The following DENND3 variants were observed in gnomAD, a reference collection of about 807,000 sequenced individuals.
The protein encoded by DENND3 is DENN domain containing 3.
Under a neutral mutation model 135.1 loss-of-function variants are expected in DENND3, and 88 were observed. The observed-to-expected ratio is 0.65, with a 90% CI of 0.55 to 0.78. The LOEUF (loss-of-function observed/expected upper bound fraction) is 0.78, where lower values mean the gene tolerates loss of function less well. DENND3 is among the 30% of genes least tolerant of loss of function. The probability of loss-of-function intolerance (pLI) is 0.00; values close to 1 mark genes in which losing one functional copy is unlikely to be tolerated. For missense variants in DENND3, 1,392 were observed against 1,688.4 expected (o/e 0.82, Z 3.08); for synonymous variants, 693 against 712.3 (o/e 0.97, Z 0.43).
At chr8:141,185,475 C>A in intron 18 of DENND3, 197 bp downstream of exon 18, 1 of 635,474 alleles carries the variant, frequency 1.6e-6, no homozygotes, top group Non-Finnish European at 2.6e-6. Context: ...CTTACACGTC[C>A]TTATTGAAGG....
Position 141,190,239 on chromosome 8 carries a change from C to T in DENND3, c.3246-45C>T, listed in dbSNP as rs1483771359. 5.3e-6 allele frequency: 8 copies of T among 1,509,778 alleles called. No individual in the cohort carries two copies. The South Asian group carries it at 6.8e-5, about 13-fold the overall frequency. The allele number at this position is 1,509,778 out of a possible 1,614,324, so 93.5% of individuals were successfully genotyped here. On this transcript the variant is annotated intron_variant, in intron 19 of 22. Coordinates refer to ENST00000519811, the MANE Select transcript of DENND3 (RefSeq NM_001352890.3). ...TGGGTTAAAATGTGCACAGTGTTTT[C>T]AGGGGCCCAAGTTAAAGGTGTGTGT...
chr8:141,194,390 G>A lies in DENND3; in HGVS notation c.*157G>A. ...CCGTGTGGCCAGCCGCGAGACCCAT[G>A]GCCACGCACCTTCTCTCAGGCCTTC... On this transcript the variant is annotated 3_prime_UTR_variant, in exon 23 of 23. Coordinates refer to ENST00000519811, the MANE Select transcript of DENND3 (RefSeq NM_001352890.3). 2.4e-6 allele frequency: 2 copies of A among 818,992 alleles called. No individual in the cohort carries two copies. Among genetic ancestry groups the A allele is most frequent in the Non-Finnish European group, 3.8e-6 (2 of 529,938 alleles). 50.7% of individuals were successfully genotyped at this position (818,992 alleles called of 1,614,324 possible). A position where few individuals can be genotyped will look rare whatever the true frequency, so the allele number is the denominator to read the frequency against.
At chr8:141,155,438 C>G (rs1015450647) in intron 7 of DENND3, among the ~76,000 whole-genome samples, 3 of 151,980 alleles carry the variant, frequency 2.0e-5, no homozygotes, top group Non-Finnish European at 4.4e-5. Context: ...GGGTCTTGCT[C>G]TGTTGCCCAG....
chr8:141,147,659 A>C (rs1291116793), intron 5 of DENND3, among the ~76,000 whole-genome samples: 2 of 152,188 alleles, frequency 1.3e-5, no homozygotes, highest in Non-Finnish European at 2.9e-5. Context: ...CTCATCCCGC[A>C]GGGCACGGCA....
At chr8:141,164,685 C>T (rs1399224398) in intron 10 of DENND3, among the ~76,000 whole-genome samples, 3 of 152,236 alleles carry the variant, frequency 2.0e-5, no homozygotes. Context: ...GACCCTGATG[C>T]AGGCTCCGGG....
chr8:141,177,069 G>A (rs1166688449), intron 15 of DENND3: 3 of 357,322 alleles, frequency 8.4e-6, no homozygotes, highest in Admixed American at 4.3e-5. Flanking sequence ...TCCCGGGGGC[G>A]GACGGTGCTG....
In DENND3 at chr8:141,168,554, T is replaced by G. The variant is rs774399770; in HGVS notation, c.2275+29T>G. The G allele has an allele frequency of 6.3e-7, 1 of 1,575,236 alleles. No homozygotes were observed. The highest frequency in any genetic ancestry group is 2.3e-5 in the East Asian group (1 of 44,320). On this transcript the variant is annotated intron_variant, in intron 13 of 22. Coordinates refer to ENST00000519811, the MANE Select transcript of DENND3 (RefSeq NM_001352890.3). This position sits in a 1 kb window ranked among gnomAD's most constrained non-coding sequence, Gnocchi z 6.2. ...AGAGGAGGCCTGGCACCATCACAGA[T>G]TTTATTATTTAGAGACAGGGTCTGG...
In DENND3 at chr8:141,166,135, A is replaced by T; in HGVS notation, c.1554-55A>T. 1 of 1,560,458 alleles carries T rather than the reference A, an allele frequency of 6.4e-7. No individual in the cohort carries two copies. The highest frequency in any genetic ancestry group is 1.1e-5 in the South Asian group (1 of 89,288). On this transcript the variant is annotated intron_variant, in intron 11 of 22. Coordinates refer to ENST00000519811, the MANE Select transcript of DENND3 (RefSeq NM_001352890.3). The surrounding 1 kb of genome is among the most constrained non-coding windows in gnomAD (Gnocchi z 4.3). ...TGGGAAAAATGCTTAGTTTAGGCTTATTCTTCAATCATTATTGTGTCTATA... is the reference window on the plus strand; with the variant it reads ...TGGGAAAAATGCTTAGTTTAGGCTTTTTCTTCAATCATTATTGTGTCTATA...
At chr8:141,190,626 A>G (rs1824594120) in intron 20 of DENND3, 2 of 663,140 alleles carry the variant, frequency 3.0e-6, no homozygotes, top group East Asian at 3.4e-5. Flanking sequence ...CTGCCTTTCT[A>G]CCCAGCGGCT....
At chr8:141,163,589 T>A (rs1324166499) in intron 10 of DENND3, among the ~76,000 whole-genome samples, 160 bp downstream of exon 10, 5 of 152,176 alleles carry the variant, frequency 3.3e-5, no homozygotes, top group African/African-American at 7.2e-5. Flanking sequence ...CCCTCTTTTT[T>A]AAAAAAATCA....
At chr8:141,162,159 G>GA (rs1462362912) in intron 9 of DENND3, among the ~76,000 whole-genome samples, 1 of 152,076 alleles carries the variant, frequency 6.6e-6, no homozygotes, top group African/African-American at 2.4e-5. Flanking sequence ...AATTTATTAG[G>GA]AAAAAATGGG....
chr8:141,143,972 C>G (rs772838863), intron 4 of DENND3, 176 bp from the exon 5 acceptor site: 12 of 552,676 alleles, frequency 2.2e-5, no homozygotes, highest in Non-Finnish European at 3.8e-5. Flanking sequence ...GGCACTACCG[C>G]AGACCTGGGG....
At chr8:141,158,649 G>A (rs1418237554) in intron 8 of DENND3, among the ~76,000 whole-genome samples, 1 of 152,208 alleles carries the variant, frequency 6.6e-6, no homozygotes, top group Non-Finnish European at 1.5e-5. Context: ...AAGGGGCTCT[G>A]GAGTACAATA....
At chr8:141,180,256 C>G (rs1023942439) in intron 16 of DENND3, among the ~76,000 whole-genome samples, 1 of 152,200 alleles carries the variant, frequency 6.6e-6, no homozygotes, top group South Asian at 2.1e-4. Flanking sequence ...GCTGGGCATT[C>G]GCCCACAGCC....
chr8:141,166,364 C>T lies in DENND3; in HGVS notation c.1728C>T (p.Thr576=), dbSNP rs61742902. 236 of 1,612,778 alleles carry T rather than the reference C, an allele frequency of 1.5e-4. 2 individuals are homozygous for T. The African/African-American group carries it at 2.4e-3, about 17-fold the overall frequency. Residue 576 remains threonine, a synonymous_variant, in exon 12 of 23, where the codon ACC becomes ACT. Coordinates refer to ENST00000519811, the MANE Select transcript of DENND3 (RefSeq NM_001352890.3). The surrounding 1 kb of genome is among the most constrained non-coding windows in gnomAD (Gnocchi z 4.3). The part of the protein sequence containing the change: ...PRNSSLRLTD[T]AGCRGSSAVL... ...ACTCCTCGCTCCGGCTGACGGACAC[C>T]GCAGGCTGTAGGGGCAGCAGCGCAG...
At position 141,167,734 on chromosome 8, in the gene DENND3, G is replaced by A. The variant is rs1356451819; in HGVS notation, c.1754-270G>A. On this transcript the variant is annotated intron_variant, in intron 12 of 22. Coordinates refer to ENST00000519811, the MANE Select transcript of DENND3 (RefSeq NM_001352890.3). The surrounding 1 kb of genome is among the most constrained non-coding windows in gnomAD (Gnocchi z 4.1). ...ATCCTCAAATAAAGCCTCAGTACCCGATACCTCAGTAGTATTACTAGTTGT... is the reference window on the plus strand; with the variant it reads ...ATCCTCAAATAAAGCCTCAGTACCCAATACCTCAGTAGTATTACTAGTTGT... Among the ~76,000 whole-genome samples, 1 of 152,154 alleles carries A rather than the reference G, an allele frequency of 6.6e-6. No individual in the cohort carries two copies. The highest frequency in any genetic ancestry group is 2.4e-5 in the African/African-American group (1 of 41,430).
In DENND3 at chr8:141,175,040, G is replaced by A. The variant is rs542421510; in HGVS notation, c.2276-160G>A. On this transcript the variant is annotated intron_variant, in intron 13 of 22. Coordinates refer to ENST00000519811, the MANE Select transcript of DENND3 (RefSeq NM_001352890.3). This position sits in a 1 kb window ranked among gnomAD's most constrained non-coding sequence, Gnocchi z 5.4. ...ACACCTGGGCTGCAGGGAAGGCCCT[G>A]GGAAACCTTCTAGGCAGTTTCCATC... Among the ~76,000 whole-genome samples, 1 of 152,300 alleles carries A rather than the reference G, an allele frequency of 6.6e-6. No homozygotes were observed. Among genetic ancestry groups the A allele is most frequent in the African/African-American group, 2.4e-5 (1 of 41,560 alleles).
chr8:141,176,352 C>T (rs902964565), intron 14 of DENND3: 25 of 518,550 alleles, frequency 4.8e-5, no homozygotes, highest in Admixed American at 4.7e-4. Context: ...GCGCTGCCTT[C>T]GGACACTGGG....
At chr8:141,184,013 C>G (rs1246865036) in intron 17 of DENND3, among the ~76,000 whole-genome samples, 1 of 152,194 alleles carries the variant, frequency 6.6e-6, no homozygotes, top group Non-Finnish European at 1.5e-5. Context: ...CTGCTGGAAG[C>G]CTCATCATCT....
Sources: allele counts gnomAD v4.1 joint callset (sites outside exome capture counted in the v4.1 genomes callset), GRCh38; gene constraint gnomAD v4.1.1; non-coding constraint Gnocchi (gnomAD v3.1); transcripts MANE v1.5; gene names NCBI Gene and HGNC (gene_info 2026-07-23, HGNC 2026-07-21).